The following CPLX2 variants were observed in gnomAD, a reference collection of about 807,000 sequenced individuals.
CPLX2 encodes the protein complexin-2.
In CPLX2, 5 loss-of-function variants were observed where a neutral mutation model predicts 16.3. The ratio of observed to expected loss-of-function variants is 0.31; its 90% CI spans 0.16 to 0.64. CPLX2 has a LOEUF of 0.64. Ranked by LOEUF, CPLX2 falls within the 30% of genes least tolerant of loss-of-function variation. The pLI is 0.79. For missense variants in CPLX2, 144 were observed against 181.4 expected (o/e 0.79, Z 1.18); for synonymous variants, 89 against 73.2 (o/e 1.22, Z -1.10).
chr5:175,854,972 A>G (rs1253937595), intron 2 of CPLX2, among the ~76,000 whole-genome samples: 1 of 152,208 alleles, frequency 6.6e-6, no homozygotes, highest in African/African-American at 2.4e-5. Context: ...CACCCAGCAG[A>G]AGAGATAAAC....
At chr5:175,842,395 A>C (rs1758961407) in intron 2 of CPLX2, among the ~76,000 whole-genome samples, 1 of 152,254 alleles carries the variant, frequency 6.6e-6, no homozygotes, top group Non-Finnish European at 1.5e-5. Context: ...AAACCAGGGG[A>C]GTAGGCATGA....
At position 175,882,033 on chromosome 5, in the gene CPLX2, G is replaced by A. The variant is rs894245226; in HGVS notation, c.*1988G>A. 2 of 152,646 alleles carry A rather than the reference G, an allele frequency of 1.3e-5. No homozygotes were observed. The highest frequency in any genetic ancestry group is 2.9e-5 in the Non-Finnish European group (2 of 68,058). 9.5% of individuals were successfully genotyped at this position (152,646 alleles called of 1,614,324 possible). The stretch of plus-strand genomic sequence containing the variant: ...AGACAAAACAATCCATATGTTTAGG[G>A]AACCAGAAAAGTCCCCTGGTCTGTC... On this transcript the variant is annotated 3_prime_UTR_variant, in exon 4 of 4. Transcript: ENST00000393745.
chr5:175,826,869 C>T (rs1439404543), intron 2 of CPLX2, among the ~76,000 whole-genome samples: 1 of 152,178 alleles, frequency 6.6e-6, no homozygotes, highest in Non-Finnish European at 1.5e-5. Context: ...CTTAAAGTGA[C>T]TTCAGCAAAA....
chr5:175,804,580 C>T (rs1046552118), intron 1 of CPLX2, among the ~76,000 whole-genome samples: 3 of 152,172 alleles, frequency 2.0e-5, no homozygotes, highest in Non-Finnish European at 2.9e-5. Flanking sequence ...AGTCCTCTAG[C>T]GCCTGGCTAC....
chr5:175,878,317 A>C (rs1170306420), intron 1 of CPLX2: 9 of 192,740 alleles, frequency 4.7e-5, no homozygotes, highest in Middle Eastern at 2.0e-3. Context: ...GCAAATAAGG[A>C]AATGACGGTG....
Position 175,872,701 on chromosome 5 carries a change from G to A in CPLX2, c.-89+996G>A, listed in dbSNP as rs1759661226. On this transcript the variant is annotated intron_variant, in intron 1 of 3. Coordinates refer to ENST00000393745, the MANE Select transcript of CPLX2 (RefSeq NM_001008220.2). This position sits in a 1 kb window ranked among gnomAD's most constrained non-coding sequence, Gnocchi z 5.0. ...CATCCCGGGCCACGGGGTGGGGACGGGGCGGGGGGAGGGGGTGGAGTGACA... is the reference window on the plus strand; with the variant it reads ...CATCCCGGGCCACGGGGTGGGGACGAGGCGGGGGGAGGGGGTGGAGTGACA... 1 of 152,234 alleles carries A rather than the reference G, an allele frequency of 6.6e-6. No homozygotes were observed. The highest frequency in any genetic ancestry group is 2.4e-5 in the African/African-American group (1 of 41,434). 9.4% of individuals were successfully genotyped at this position (152,234 alleles called of 1,614,324 possible).
chr5:175,882,686 G>C lies in CPLX2; in HGVS notation c.*2641G>C, dbSNP rs1755649627. ...CCCAGACCCCTCTATTCTGCTCCAG[G>C]ACAGCAGGACTTCAGGTCTTCCTGG... is the stretch of plus-strand genomic sequence containing the variant. On this transcript the variant is annotated 3_prime_UTR_variant, in exon 4 of 4. Transcript: ENST00000393745. 1 of 152,858 alleles carries C rather than the reference G, an allele frequency of 6.5e-6. No individual in the cohort carries two copies. The highest frequency in any genetic ancestry group is 2.4e-5 in the African/African-American group (1 of 41,476). The allele number at this position is 152,858 out of a possible 1,614,324, so 9.5% of individuals were successfully genotyped here.
At chr5:175,812,064 G>A (rs7732323) in intron 2 of CPLX2, among the ~76,000 whole-genome samples, 52,575 of 152,118 alleles carry the variant, frequency 0.35, 10,019 homozygotes, top group East Asian at 0.7. Context: ...GACCATTGTA[G>A]GTGGGTCCTC....
chr5:175,819,069 T>A (rs553446274), intron 2 of CPLX2, among the ~76,000 whole-genome samples: 2 of 152,336 alleles, frequency 1.3e-5, no homozygotes, highest in Non-Finnish European at 2.9e-5. Context: ...TCTTGAGTTG[T>A]TGCATGTGGT....
chr5:175,818,076 C>T (rs1215766495), intron 2 of CPLX2, among the ~76,000 whole-genome samples: 1 of 152,182 alleles, frequency 6.6e-6, no homozygotes, highest in Non-Finnish European at 1.5e-5. Flanking sequence ...GTGGCCTTGA[C>T]CTTGGGAGAG....
At chr5:175,823,276 G>C (rs1758546743) in intron 2 of CPLX2, among the ~76,000 whole-genome samples, 1 of 152,184 alleles carries the variant, frequency 6.6e-6, no homozygotes, top group African/African-American at 2.4e-5. Flanking sequence ...ATGATGGATG[G>C]AGGGATGGAT....
At chr5:175,797,359 C>G (rs1581062036) in intron 1 of CPLX2, among the ~76,000 whole-genome samples, 2 of 150,460 alleles carry the variant, frequency 1.3e-5, no homozygotes, top group South Asian at 2.1e-4. Context: ...GAGGCCTGGC[C>G]GTGCAATGGC....
chr5:175,843,778 C>T (rs1303952124), intron 2 of CPLX2, among the ~76,000 whole-genome samples: 2 of 152,250 alleles, frequency 1.3e-5, no homozygotes, highest in African/African-American at 4.8e-5. Context: ...GCTCCTCTCA[C>T]CTGGGTTCCT....
At chr5:175,869,779 C>T (rs1759550411), upstream of CPLX2, among the ~76,000 whole-genome samples, 1 of 152,180 alleles carries the variant, frequency 6.6e-6, no homozygotes, top group South Asian at 2.1e-4. Flanking sequence ...TTGACATACT[C>T]ACGTTTGTCA....
At chr5:175,800,507 C>G (rs1024373641) in intron 1 of CPLX2, among the ~76,000 whole-genome samples, 5 of 151,970 alleles carry the variant, frequency 3.3e-5, no homozygotes, top group African/African-American at 4.8e-5. Flanking sequence ...AAACAAGTGC[C>G]TTGTTCTGGG....
chr5:175,826,846 G>A (rs559256247), intron 2 of CPLX2, among the ~76,000 whole-genome samples: 1 of 152,204 alleles, frequency 6.6e-6, no homozygotes, highest in African/African-American at 2.4e-5. Flanking sequence ...AGTTGCAAGT[G>A]AGCAAAATCC....
intron 3 of CPLX2, among the ~76,000 whole-genome samples, 161 bp downstream of exon 3, chr5:175,879,244 T>G (rs1307615967): frequency 6.6e-6 from 1 of 152,156 alleles, no homozygotes; most frequent in Non-Finnish European, 1.5e-5. Flanking sequence ...CAAGGTCACC[T>G]CCCTCAAGGG....
rs943457446 is a variant in CPLX2 at position 175,879,092 on chromosome 5, C to T, written c.207+9C>T. 1.3e-6 allele frequency: 2 copies of T among 1,552,394 alleles called. No individual in the cohort carries two copies. The highest frequency in any genetic ancestry group is 1.9e-5 in the Admixed American group (1 of 51,900). On this transcript the variant is annotated intron_variant, in intron 3 of 3. Transcript: ENST00000393745. The stretch of plus-strand genomic sequence containing the variant: ...AGCAGATCCGAGATAAGGTCAGCTC[C>T]GCCCGCCCGCCCGTCCTGGGGAGGG...
chr5:175,842,976 C>T (rs1161673123), intron 2 of CPLX2, among the ~76,000 whole-genome samples: 4 of 152,226 alleles, frequency 2.6e-5, no homozygotes, highest in African/African-American at 9.6e-5. Flanking sequence ...CTCTCCCTAC[C>T]TCATCCTTGG....
Sources: gnomAD v4.1 joint callset for allele counts (sites outside exome capture counted in the v4.1 genomes callset) on GRCh38, gnomAD v4.1.1 for gene constraint, Gnocchi (gnomAD v3.1) non-coding constraint, MANE v1.5 for transcripts, NCBI Gene and HGNC (gene_info 2026-07-23, HGNC 2026-07-21) for gene names.